Variants in TELO2 observed in about 807,000 individuals in gnomAD.
The protein encoded by TELO2 is telomere maintenance 2.
Under a neutral mutation model 91.0 loss-of-function variants are expected in TELO2, and 71 were observed. The ratio of observed to expected loss-of-function variants is 0.78; its 90% CI spans 0.64 to 0.95. The LOEUF (loss-of-function observed/expected upper bound fraction) is 0.95, where lower values mean the gene tolerates loss of function less well. Among genes scored for constraint, TELO2 ranks in the 40% least tolerant of loss-of-function variants. The probability of loss-of-function intolerance (pLI) is 0.00; values close to 1 mark genes in which losing one functional copy is unlikely to be tolerated. For synonymous variants in TELO2, 584 were observed against 518.9 expected (o/e 1.13, Z -1.71); for missense variants, 1,183 against 1,141.3 (o/e 1.04, Z -0.53).
At chr16:1,495,238 T>G in intron 2 of TELO2, 108 bp from the exon 3 acceptor site, 1 of 1,410,388 alleles carries the variant, frequency 7.1e-7, no homozygotes, top group Non-Finnish European at 9.4e-7. Context: ...TCACGCTGGT[T>G]ATGTTGTTGG....
At chr16:1,509,487 C>G (rs4787203) in intron 20 of TELO2, among the ~76,000 whole-genome samples, 148,467 of 152,312 alleles carry the variant, frequency 0.97, 72,387 homozygotes, top group East Asian at 1. Flanking sequence ...CGGATTCCTA[C>G]GGTCTTCCAC....
At position 1,500,596 on chromosome 16, in the gene TELO2, G is replaced by A; in HGVS notation, c.1178G>A (p.Cys393Tyr). The A allele has an allele frequency of 6.8e-6, 11 of 1,612,062 alleles. No homozygotes were observed. Among genetic ancestry groups the A allele is most frequent in the Non-Finnish European group, 9.3e-6 (11 of 1,179,686 alleles). ...LLASMMAGVKCRLDSSLPPVR... is the reference protein window; with the variant it reads ...LLASMMAGVKYRLDSSLPPVR... ...GCCAGCATGATGGCGGGCGTGAAGT[G>A]CCGCCTGGACAGTAGCCTGCCCCCC... Residue 393 changes from cysteine (C) to tyrosine (Y), a missense_variant, in exon 9 of 21, where the codon TGC (cysteine) becomes TAC (tyrosine). By Grantham distance (194) the Cys-to-Tyr change is radical. Coordinates refer to ENST00000262319, the MANE Select transcript of TELO2 (RefSeq NM_016111.4).
At chr16:1,503,050 C>G in intron 15 of TELO2, 48 bp downstream of exon 15, 1 of 1,599,768 alleles carries the variant, frequency 6.3e-7, no homozygotes, top group South Asian at 1.1e-5. Flanking sequence ...CCAAGCTGCC[C>G]TAAGGTGGGG....
chr16:1,501,691 C>T lies in TELO2; in HGVS notation c.1390C>T (p.Pro464Ser), dbSNP rs1482865513. Residue 464 changes from proline to serine, a missense_variant, in exon 11 of 21, where the codon CCC (proline) becomes TCC (serine). Transcript: ENST00000262319. ...GTSLVPATAE[P>S]PAETPAEIVD... ...GTCCCTCGTTCCAGCCACGGCAGAG[C>T]CCCCTGCAGAGACCCCCGCAGAGAT... 2 of 1,611,318 alleles carry T rather than the reference C, an allele frequency of 1.2e-6. No homozygotes were observed. The highest frequency in any genetic ancestry group is 3.4e-5 in the Admixed American group (2 of 59,540).
intron 15 of TELO2, chr16:1,504,996 C>T (rs1215694368): frequency 2.4e-5 from 4 of 168,816 alleles, no homozygotes; most frequent in Admixed American, 1.1e-4. Context: ...GAGAAGGTGT[C>T]CTAGAGATGG....
Position 1,507,267 on chromosome 16 carries a change from C to T in TELO2, c.2227-39C>T, listed in dbSNP as rs3736721. ...CATGGGTGCTGGGATGTGGGGACGG[C>T]GTCGGGACCCCACTGACTGTCCCTC... is the stretch of plus-strand genomic sequence containing the variant. On this transcript the variant is annotated intron_variant, in intron 18 of 20. Transcript: ENST00000262319. 300,190 of 1,598,918 alleles carry T rather than the reference C, an allele frequency of 0.19. 30,323 individuals are homozygous for T. The highest frequency in any genetic ancestry group is 0.33 in the African/African-American group (24,642 of 74,878).
In TELO2 at chr16:1,495,587, G is replaced by A. The variant is rs781236535; in HGVS notation, c.577G>A (p.Val193Ile). The stretch of plus-strand genomic sequence containing the variant: ...CTTCCGCCTGCTCGGCGAGGAGGTC[G>A]TCCGGGTGCTGCAGGCGGTTGTGGA... ...NYFRLLGEEVVRVLQAVVDSL... is the reference protein window; with the variant it reads ...NYFRLLGEEVIRVLQAVVDSL... The change falls in exon 3 of 21, where the codon GTC becomes ATC. Residue 193 changes from valine to isoleucine, a missense_variant. By Grantham distance (29) the Val-to-Ile change is conservative (BLOSUM62 3). Transcript: ENST00000262319. 7 of 1,607,048 alleles carry A rather than the reference G, an allele frequency of 4.4e-6. No homozygotes were observed. The highest frequency in any genetic ancestry group is 2.7e-5 in the African/African-American group (2 of 74,972).
Position 1,501,470 on chromosome 16 carries a change from G to A in TELO2, c.1332G>A (p.Gln444=), listed in dbSNP as rs887841041. ...AGCTGCTGGCCTTGGCCTCCCCCCA[G>A]CCTGCGGGTGACGGCGCCTCGGAGG... ...SLELLALASP[Q]PAGDGASEAG... is the part of the protein sequence containing the mutation. The change falls in exon 10 of 21, where the codon CAG becomes CAA. Residue 444 remains glutamine (Q), a synonymous_variant. Coordinates refer to ENST00000262319, the MANE Select transcript of TELO2 (RefSeq NM_016111.4). 1 of 1,611,620 alleles carries A rather than the reference G, an allele frequency of 6.2e-7. No individual in the cohort carries two copies. The highest frequency in any genetic ancestry group is 1.3e-5 in the African/African-American group (1 of 75,016).
At position 1,505,751 on chromosome 16, in the gene TELO2, C is replaced by T; in HGVS notation, c.2034+150C>T. Reference sequence around the variant, plus strand: ...GCCGGGATTCCTGAAAGGCAGGGTCCATGGTTTGCACCGAGGAACTGGATT... The same window carrying T: ...GCCGGGATTCCTGAAAGGCAGGGTCTATGGTTTGCACCGAGGAACTGGATT... On this transcript the variant is annotated intron_variant, in intron 16 of 20. Coordinates refer to ENST00000262319, the MANE Select transcript of TELO2 (RefSeq NM_016111.4). The surrounding 1 kb of genome is among the most constrained non-coding windows in gnomAD (Gnocchi z 4.3). 1 of 1,122,190 alleles carries T rather than the reference C, an allele frequency of 8.9e-7. No homozygotes were observed. Among genetic ancestry groups the T allele is most frequent in the East Asian group, 2.6e-5 (1 of 38,474 alleles). The allele number at this position is 1,122,190 out of a possible 1,614,324, so 69.5% of individuals were successfully genotyped here.
chr16:1,502,384 A>C lies in TELO2; in HGVS notation c.1633A>C (p.Ser545Arg). Residue 545 changes from serine (S) to arginine (R), a missense_variant, in exon 13 of 21, where the codon AGC becomes CGC. Ser to Arg is a moderately radical substitution (Grantham distance 110). Coordinates refer to ENST00000262319, the MANE Select transcript of TELO2 (RefSeq NM_016111.4). ...LRALEGLVYR[S>R]PTATREVSVE... ...GGCCCTTGAGGGCCTGGTCTACAGG[A>C]GCCCCACAGCCACTCGGGAGGTGAG... is the stretch of plus-strand genomic sequence containing the variant. 1 of 1,601,554 alleles carries C rather than the reference A, an allele frequency of 6.2e-7. No individual in the cohort carries two copies.
chr16:1,506,860 TG>T, intron 17 of TELO2, 91 bp from the exon 18 acceptor site: 1 of 1,460,366 alleles, frequency 6.8e-7, no homozygotes, highest in Non-Finnish European at 9.0e-7. Context: ...AGGGGCTGTG[TG>T]GGGCTCCCTC....
chr16:1,495,251 C>T, intron 2 of TELO2, 95 bp from the exon 3 acceptor site: 3 of 1,449,130 alleles, frequency 2.1e-6, no homozygotes, highest in Non-Finnish European at 2.8e-6. Context: ...GTTGTTGGGG[C>T]TGCCCGTGTA....
chr16:1,507,617 C>T lies in TELO2; in HGVS notation c.2308C>T (p.Leu770=), dbSNP rs1234459744. The change falls in exon 20 of 21, where the codon CTG becomes TTG. Residue 770 remains leucine (L), a synonymous_variant. Coordinates refer to ENST00000262319, the MANE Select transcript of TELO2 (RefSeq NM_016111.4). The part of the protein sequence containing the change: ...FHIDAYVRQG[L]LSAVSSVLLS... The stretch of plus-strand genomic sequence containing the variant: ...TGCCGGCAGCTACGTGCGCCAGGGG[C>T]TGTTGTCGGCCGTCTCCTCCGTCCT... 3.1e-6 allele frequency: 5 copies of T among 1,593,774 alleles called. No individual in the cohort carries two copies. Among genetic ancestry groups the T allele is most frequent in the Non-Finnish European group, 3.4e-6 (4 of 1,177,410 alleles).
At chr16:1,506,061 C>T (rs907854478) in intron 16 of TELO2, among the ~76,000 whole-genome samples, 177 bp from the exon 17 acceptor site, 4 of 152,200 alleles carry the variant, frequency 2.6e-5, no homozygotes, top group African/African-American at 9.7e-5. Flanking sequence ...GGCCGCGGAG[C>T]CTGAGTCCCG....
rs768002698 is a variant in TELO2, at chr16:1,502,304, T to C, written c.1562-9T>C. 3 of 1,597,762 alleles carry C rather than the reference T, an allele frequency of 1.9e-6. No homozygotes were observed. The highest frequency in any genetic ancestry group is 2.6e-6 in the Non-Finnish European group (3 of 1,173,308). On this transcript the variant is annotated splice_polypyrimidine_tract_variant and intron_variant, in intron 12 of 20. Coordinates refer to ENST00000262319, the MANE Select transcript of TELO2 (RefSeq NM_016111.4). ...GAGGCTGACCGAGGCCTCTCTGGGT[T>C]CTGTGCAGCCCTGACCACGTCTGAG...
intron 3 of TELO2, among the ~76,000 whole-genome samples, chr16:1,496,356 G>A (rs540455677): frequency 2.6e-5 from 4 of 152,152 alleles, no homozygotes; most frequent in Non-Finnish European, 4.4e-5. Flanking sequence ...AAGCCCCCTC[G>A]CCTCACCTGG....
rs756091223 is a variant in TELO2 at position 1,507,309 on chromosome 16, G to A, written c.2230G>A (p.Ala744Thr). 36 of 1,609,142 alleles carry A rather than the reference G, an allele frequency of 2.2e-5. No homozygotes were observed. Among genetic ancestry groups the A allele is most frequent in the Middle Eastern group, 2.0e-4 (1 of 5,102 alleles). Residue 744 changes from alanine (A) to threonine (T), a missense_variant, in exon 19 of 21, where the codon GCT (alanine) becomes ACT (threonine). Physicochemically the swap from Ala to Thr is moderately conservative, Grantham distance 58. Transcript: ENST00000262319. ...CTGTCCCTCTGCTGGTGTCCAGGTG[G>A]CTGTGGCCATGGGCAAGGCCCTGCT... is the stretch of plus-strand genomic sequence containing the variant. ...LMCLAVNTTVAVAMGKALLEF... is the reference protein window; with the variant it reads ...LMCLAVNTTVTVAMGKALLEF...
rs376490752 is a variant in TELO2 at position 1,509,853 on chromosome 16, G to A, written c.2431G>A (p.Glu811Lys). ...LADVAEKDPD[E>K]DCRTLALRAL... The stretch of plus-strand genomic sequence containing the variant: ...AGACGTGGCTGAGAAAGACCCGGAC[G>A]AGGACTGCAGGACGCTGGCACTGAG... The change falls in exon 21 of 21, where the codon GAG becomes AAG. Residue 811 changes from glutamate to lysine, a missense_variant. Coordinates refer to ENST00000262319, the MANE Select transcript of TELO2 (RefSeq NM_016111.4). The A allele has an allele frequency of 2.7e-5, 43 of 1,612,360 alleles. No homozygotes were observed. Among genetic ancestry groups the A allele is most frequent in the South Asian group, 9.9e-5 (9 of 90,912 alleles).
chr16:1,507,820 G>A, intron 20 of TELO2, 104 bp downstream of exon 20: 1 of 666,596 alleles, frequency 1.5e-6, no homozygotes, highest in Non-Finnish European at 2.1e-6. Context: ...GGGTGTGTGT[G>A]TGTGTGTGTG....
Sources: allele counts gnomAD v4.1 joint callset (sites outside exome capture counted in the v4.1 genomes callset), GRCh38; gene constraint gnomAD v4.1.1; non-coding constraint Gnocchi (gnomAD v3.1); transcripts MANE v1.5; gene names NCBI Gene and HGNC (gene_info 2026-07-23, HGNC 2026-07-21).